TBC1D5: variants seen among roughly 807,000 people sequenced by gnomAD.
TBC1D5 encodes TBC1 domain family member 5.
TBC1D5 carries 75 observed loss-of-function variants against 100.3 expected under a neutral mutation model. The observed-to-expected ratio is 0.75, with a 90% CI of 0.62 to 0.91. The LOEUF is 0.91. Among genes scored for constraint, TBC1D5 ranks in the 40% least tolerant of loss-of-function variants. The pLI is 0.00. For missense variants in TBC1D5, 910 were observed against 942.4 expected (o/e 0.97, Z 0.45); for synonymous variants, 323 against 325.6 (o/e 0.99, Z 0.09).
intron 8 of TBC1D5, among the ~76,000 whole-genome samples, chr3:17,390,709 T>A (rs753681852): frequency 6.6e-6 from 1 of 152,168 alleles, no homozygotes; most frequent in Non-Finnish European, 1.5e-5. Flanking sequence ...AGAATACTAT[T>A]AACCACCAAA....
At chr3:17,210,035 T>A (rs2125933793) in intron 18 of TBC1D5, among the ~76,000 whole-genome samples, 1 of 152,286 alleles carries the variant, frequency 6.6e-6, no homozygotes, top group South Asian at 2.1e-4. Flanking sequence ...TATGTCCTCA[T>A]TTTTGTACAG....
intron 1 of TBC1D5, among the ~76,000 whole-genome samples, chr3:17,676,954 G>C (rs1299960902): frequency 6.6e-6 from 1 of 152,188 alleles, no homozygotes; most frequent in African/African-American, 2.4e-5. Flanking sequence ...GCCATATGGA[G>C]AAAGCTGAAA....
intron 13 of TBC1D5, among the ~76,000 whole-genome samples, chr3:17,360,219 C>G (rs1469558038): frequency 6.6e-6 from 1 of 151,916 alleles, no homozygotes; most frequent in East Asian, 1.9e-4. Context: ...TTTTTCCTGA[C>G]CCTTGTTAGA....
At chr3:17,727,567 C>A (rs557854851) in intron 1 of TBC1D5, among the ~76,000 whole-genome samples, 1 of 152,118 alleles carries the variant, frequency 6.6e-6, no homozygotes, top group African/African-American at 2.4e-5. Context: ...AATTGTTAAT[C>A]GTCCACAAAT....
chr3:17,472,853 C>T (rs910893956), intron 3 of TBC1D5, among the ~76,000 whole-genome samples: 4 of 152,184 alleles, frequency 2.6e-5, no homozygotes, highest in African/African-American at 9.7e-5. Flanking sequence ...ACAGCTAGTA[C>T]TGAATATCTG....
At chr3:17,417,627 T>C (rs1364835489) in intron 4 of TBC1D5, among the ~76,000 whole-genome samples, 6 of 152,140 alleles carry the variant, frequency 3.9e-5, no homozygotes, top group African/African-American at 7.2e-5. Context: ...GTCTTTGCCA[T>C]TGTGAATAGT....
intron 3 of TBC1D5, among the ~76,000 whole-genome samples, chr3:17,463,648 T>C (rs182282064): frequency 1.3e-5 from 2 of 152,196 alleles, no homozygotes; most frequent in African/African-American, 4.8e-5. Context: ...ATATCAAAAT[T>C]TTAAATGAAG....
At chr3:17,577,663 T>C (rs1378777052) in intron 2 of TBC1D5, among the ~76,000 whole-genome samples, 1 of 152,024 alleles carries the variant, frequency 6.6e-6, no homozygotes, top group Non-Finnish European at 1.5e-5. Context: ...TTATATTCAC[T>C]ACCCTTTGAG....
chr3:17,705,813 A>G (rs1219930973), intron 1 of TBC1D5, among the ~76,000 whole-genome samples: 3 of 129,786 alleles, frequency 2.3e-5, no homozygotes, highest in East Asian at 2.5e-4. Flanking sequence ...ATGGGCGGCC[A>G]GGCAGAGACA....
At chr3:17,303,743 A>C (rs1265277810) in intron 14 of TBC1D5, among the ~76,000 whole-genome samples, 1 of 148,340 alleles carries the variant, frequency 6.7e-6, no homozygotes, top group African/African-American at 2.5e-5. Context: ...ATCTTAAACC[A>C]CTATTTTAAA....
rs139789366 is a variant in TBC1D5, at chr3:17,608,639, G to A, written c.-36+15210C>T. On this transcript the variant is annotated intron_variant, in intron 2 of 21. Coordinates refer to ENST00000253692, the Ensembl canonical transcript of TBC1D5. ...ATTACACAATATATTAAATGCTAACGTGTGACAAAAGTGGAAATAACATTT... is the reference window on the plus strand; with the variant it reads ...ATTACACAATATATTAAATGCTAACATGTGACAAAAGTGGAAATAACATTT... 1.1e-4 allele frequency among the ~76,000 whole-genome samples: 16 copies of A among 152,186 alleles called. No homozygotes were observed. The East Asian group carries it at 2.9e-3, about 27-fold the overall frequency.
intron 1 of TBC1D5, among the ~76,000 whole-genome samples, chr3:17,643,679 G>A (rs114333873): frequency 0.012 from 1,759 of 152,192 alleles, 35 homozygotes; most frequent in African/African-American, 0.04. Context: ...GTGGACAACA[G>A]TATTTCATAT....
chr3:17,564,080 C>A (rs775417528), intron 2 of TBC1D5, among the ~76,000 whole-genome samples: 1 of 152,230 alleles, frequency 6.6e-6, no homozygotes, highest in East Asian at 1.9e-4. Context: ...CCGTGCCCGG[C>A]CTTACAGGTG....
intron 3 of TBC1D5, among the ~76,000 whole-genome samples, chr3:17,497,125 CA>C (rs1560022927): frequency 0.012 from 1,869 of 150,840 alleles, 52 homozygotes; most frequent in African/African-American, 0.042. Context: ...CACACACACA[CA>C]CACACACACA....
rs2095074234 is a variant in TBC1D5 at position 17,455,922 on chromosome 3, A to C, written c.98-27403T>G. On this transcript the variant is annotated intron_variant, in intron 3 of 21. Transcript: ENST00000253692. ...TTATACTGCAGATCTATAGTAACCA[A>C]AACAGGATGGCACTAGCACAGAAAC... Among the ~76,000 whole-genome samples, 3 of 152,310 alleles carry C rather than the reference A, an allele frequency of 2.0e-5. No homozygotes were observed. The East Asian group carries it at 5.8e-4, about 29-fold the overall frequency.
At position 17,386,101 on chromosome 3, in the gene TBC1D5, G is replaced by C. The variant is rs28483035; in HGVS notation, c.510-2086C>G. Among the ~76,000 whole-genome samples, 214 of 152,110 alleles carry C rather than the reference G, an allele frequency of 1.4e-3. 1 individual carries two copies. Among genetic ancestry groups the C allele is most frequent in the African/African-American group, 4.8e-3 (201 of 41,514 alleles). On this transcript the variant is annotated intron_variant, in intron 8 of 21. Coordinates refer to ENST00000253692, the Ensembl canonical transcript of TBC1D5. ...TAACTTGGTATAGAGAAATATCTTGGGAAACTTAGCCATTAAGCTACGAAT... is the reference window on the plus strand; with the variant it reads ...TAACTTGGTATAGAGAAATATCTTGCGAAACTTAGCCATTAAGCTACGAAT...
intron 15 of TBC1D5, among the ~76,000 whole-genome samples, chr3:17,265,535 G>A (rs1006424667): frequency 1.3e-5 from 2 of 152,078 alleles, no homozygotes; most frequent in Admixed American, 1.3e-4. Flanking sequence ...AATGCTGGGG[G>A]GAAAGCAACC....
intron 6 of TBC1D5, 32 bp from the exon 7 acceptor site, chr3:17,404,800 G>T (rs775435531): frequency 6.3e-7 from 1 of 1,582,306 alleles, no homozygotes; most frequent in East Asian, 2.3e-5. Flanking sequence ...CACACACAAG[G>T]ATCAGAGGCT....
At chr3:17,708,996 T>C (rs1218055817) in intron 1 of TBC1D5, among the ~76,000 whole-genome samples, 1 of 152,224 alleles carries the variant, frequency 6.6e-6, no homozygotes, top group Non-Finnish European at 1.5e-5. Context: ...GTAAATTACC[T>C]ACATTATATT....
Sources: allele counts gnomAD v4.1 joint callset (sites outside exome capture counted in the v4.1 genomes callset), GRCh38; gene constraint gnomAD v4.1.1; transcripts MANE v1.5; gene names NCBI Gene and HGNC (gene_info 2026-07-23, HGNC 2026-07-21).